Variants in SLC44A5 observed in about 807,000 individuals in gnomAD.
SLC44A5 encodes choline transporter-like protein 5.
In SLC44A5, 57 loss-of-function variants were observed where a neutral mutation model predicts 101.8. The observed-to-expected ratio is 0.56, with a 90% CI of 0.45 to 0.70. The LOEUF (loss-of-function observed/expected upper bound fraction) is 0.70, where lower values mean the gene tolerates loss of function less well. Ranked by LOEUF, SLC44A5 falls within the 30% of genes least tolerant of loss-of-function variation. The pLI is 0.00. For missense variants in SLC44A5, 737 were observed against 853.1 expected, an observed-to-expected ratio of 0.86 and a Z score of 1.70; for synonymous variants, 281 against 290.9, an observed-to-expected ratio of 0.97 and a Z score of 0.35.
chr1:75,552,240 C>T (rs912255802), intron 1 of SLC44A5, among the ~76,000 whole-genome samples: 3 of 152,094 alleles, frequency 2.0e-5, no homozygotes, highest in Non-Finnish European at 4.4e-5. Flanking sequence ...TCTTAGTGTC[C>T]TTTCCATCCC....
chr1:75,479,673 C>T (rs1270854797), intron 2 of SLC44A5, among the ~76,000 whole-genome samples: 309 of 120,756 alleles, frequency 2.6e-3, no homozygotes, highest in African/African-American at 6.1e-3. Flanking sequence ...AATTCCTTGA[C>T]ACATACACCC....
chr1:75,213,858 A>T lies in SLC44A5; in HGVS notation c.1873+61T>A. Reference sequence around the variant, plus strand: ...AAAAGAATATAGTTTTTTGTAGTAAAGCAGTTTTTCCAAGCATCTTTTAAA... The same window carrying T: ...AAAAGAATATAGTTTTTTGTAGTAATGCAGTTTTTCCAAGCATCTTTTAAA... On this transcript the variant is annotated intron_variant, in intron 21 of 23. Transcript: ENST00000370859. 2.0e-6 allele frequency: 3 copies of T among 1,532,370 alleles called. No individual in the cohort carries two copies. In the South Asian group the frequency reaches 3.6e-5, roughly 18 times the overall value. The allele number at this position is 1,532,370 out of a possible 1,614,324, so 94.9% of individuals were successfully genotyped here. A position where few individuals can be genotyped will look rare whatever the true frequency, so the allele number is the denominator to read the frequency against.
chr1:75,656,598 TA>T, the SLC44A5 span, among the ~76,000 whole-genome samples: 4 of 152,196 alleles, frequency 2.6e-5, no homozygotes, highest in African/African-American at 9.7e-5. Flanking sequence ...GCCATCAGTT[TA>T]AAATAATTTC....
In SLC44A5 at chr1:75,219,838, C is replaced by T; in HGVS notation, c.1140G>A (p.Leu380=). 1.9e-6 allele frequency: 3 copies of T among 1,612,798 alleles called. No individual in the cohort carries two copies. The highest frequency in any genetic ancestry group is 2.5e-6 in the Non-Finnish European group (3 of 1,179,258). ...CCCAGTAGCAAATGCAGATTGAGAG[C>T]AAAATGAAAGTTAAAGCTGGATAGA... ...TLVYPALTFI[L]LSICICYWVV... Residue 380 remains leucine (L), a synonymous_variant, in exon 15 of 24, where the codon TTG becomes TTA. Transcript: ENST00000370859.
intron 5 of SLC44A5, among the ~76,000 whole-genome samples, chr1:75,286,564 G>T (rs1653069504): frequency 6.6e-6 from 1 of 152,000 alleles, no homozygotes; most frequent in South Asian, 2.1e-4. Flanking sequence ...TTGTTTTATA[G>T]GTCCGTTGAG....
the SLC44A5 span, among the ~76,000 whole-genome samples, chr1:75,679,951 G>A: frequency 6.6e-6 from 1 of 152,122 alleles, no homozygotes; most frequent in African/African-American, 2.4e-5. Flanking sequence ...AAAGAAGGCA[G>A]GGGTTGCAAT....
At chr1:75,453,058 A>G (rs1021591764) in intron 2 of SLC44A5, among the ~76,000 whole-genome samples, 2 of 152,130 alleles carry the variant, frequency 1.3e-5, no homozygotes, top group Admixed American at 1.3e-4. Flanking sequence ...CATCTACAGA[A>G]TACTCCATCT....
chr1:75,561,438 C>T (rs1672513336), intron 1 of SLC44A5, among the ~76,000 whole-genome samples: 1 of 151,992 alleles, frequency 6.6e-6, no homozygotes, highest in South Asian at 2.1e-4. Flanking sequence ...TCTGTCTCTT[C>T]CCAGAGGAGT....
At chr1:75,431,779 C>T (rs528613626) in intron 2 of SLC44A5, among the ~76,000 whole-genome samples, 1 of 152,120 alleles carries the variant, frequency 6.6e-6, no homozygotes, top group South Asian at 2.1e-4. Context: ...AACAATCATC[C>T]GAGGAGAAGG....
At chr1:75,519,972 G>A (rs1355665456) in intron 2 of SLC44A5, among the ~76,000 whole-genome samples, 1 of 152,174 alleles carries the variant, frequency 6.6e-6, no homozygotes, top group Non-Finnish European at 1.5e-5. Flanking sequence ...AAAAGTGGTC[G>A]GGACTGAAAT....
At chr1:75,338,379 A>G (rs1377681311) in intron 4 of SLC44A5, among the ~76,000 whole-genome samples, 1 of 152,226 alleles carries the variant, frequency 6.6e-6, no homozygotes, top group South Asian at 2.1e-4. Context: ...TCTATGGCCT[A>G]GAAAGACACA....
intron 2 of SLC44A5, among the ~76,000 whole-genome samples, chr1:75,525,540 A>C (rs1200616612): frequency 6.6e-6 from 1 of 152,168 alleles, no homozygotes; most frequent in Non-Finnish European, 1.5e-5. Context: ...AAATGCTATA[A>C]AAAAGAAATA....
chr1:75,416,706 A>G (rs1186090655), intron 2 of SLC44A5, among the ~76,000 whole-genome samples: 1 of 152,168 alleles, frequency 6.6e-6, no homozygotes, highest in Non-Finnish European at 1.5e-5. Flanking sequence ...GCTGCCTAAG[A>G]CCATGGGAAC....
intron 1 of SLC44A5, among the ~76,000 whole-genome samples, chr1:75,592,334 T>TA (rs1450382230): frequency 1.3e-5 from 2 of 151,804 alleles, no homozygotes; most frequent in Non-Finnish European, 2.9e-5. Context: ...TCTCTAAAAT[T>TA]AAAACTATAA....
intron 4 of SLC44A5, among the ~76,000 whole-genome samples, chr1:75,334,680 A>T (rs1200143210): frequency 6.6e-6 from 1 of 152,186 alleles, no homozygotes; most frequent in Non-Finnish European, 1.5e-5. Flanking sequence ...TGAGTTTAGG[A>T]TGCCCATGGC....
At chr1:75,498,633 GTCTTTC>G (rs1214160462) in intron 2 of SLC44A5, among the ~76,000 whole-genome samples, 3 of 151,958 alleles carry the variant, frequency 2.0e-5, no homozygotes, top group Non-Finnish European at 4.4e-5. Flanking sequence ...AAGCTATGCA[GTCTTTC>G]TCTTTCTCAC....
intron 10 of SLC44A5, among the ~76,000 whole-genome samples, 167 bp from the exon 11 acceptor site, chr1:75,237,237 C>G (rs941022549): frequency 6.6e-6 from 1 of 152,054 alleles, no homozygotes; most frequent in East Asian, 1.9e-4. Flanking sequence ...TAAAATGTCA[C>G]TTCAGTAAAC....
In SLC44A5 at chr1:75,348,462, A is replaced by T. The variant is rs188118723; in HGVS notation, c.53-8832T>A. 4.6e-5 allele frequency among the ~76,000 whole-genome samples: 7 copies of T among 152,288 alleles called. No homozygotes were observed. The East Asian group carries it at 1.4e-3, about 29-fold the overall frequency. On this transcript the variant is annotated intron_variant, in intron 3 of 23. Transcript: ENST00000370859. Reference sequence around the variant, plus strand: ...GGAACTTTAGAGAGCTATCCCTCAGATTAAATCCACCATAGCCTTAAGAAT... The same window carrying T: ...GGAACTTTAGAGAGCTATCCCTCAGTTTAAATCCACCATAGCCTTAAGAAT...
the SLC44A5 span, among the ~76,000 whole-genome samples, chr1:75,708,413 C>CAA: frequency 0.048 from 1,864 of 38,946 alleles, 427 homozygotes; most frequent in Admixed American, 0.062. Flanking sequence ...GACTCCGTCT[C>CAA]AAAAAAAAAA....
Sources: gnomAD v4.1 joint callset for allele counts (sites outside exome capture counted in the v4.1 genomes callset) on GRCh38, gnomAD v4.1.1 for gene constraint, MANE v1.5 for transcripts, NCBI Gene and HGNC (gene_info 2026-07-23, HGNC 2026-07-21) for gene names.